Variants in NAA11 observed in about 807,000 individuals in gnomAD.
The protein encoded by NAA11 is N-alpha-acetyltransferase 11, NatA catalytic subunit, also known as N-alpha-acetyltransferase 11.
In NAA11, 15 loss-of-function variants were observed where a neutral mutation model predicts 16.1. The observed-to-expected ratio is 0.93, with a 90% confidence interval of 0.62 to 1.44. The LOEUF (loss-of-function observed/expected upper bound fraction) is 1.44. Among genes scored for constraint, NAA11 ranks in the 40% most tolerant of loss-of-function variants. The pLI, the probability that NAA11 is intolerant of heterozygous loss-of-function variation, is 0.00. For missense variants in NAA11, 298 were observed against 291.3 expected (o/e 1.02, Z -0.17); for synonymous variants, 122 against 112.4 (o/e 1.09, Z -0.54).
At chr4:79,182,868 T>C in the NAA11 span, among the ~76,000 whole-genome samples, 5 of 152,188 alleles carry the variant, frequency 3.3e-5, no homozygotes, top group African/African-American at 4.8e-5. Flanking sequence ...TTTTGGATTA[T>C]TTCATCTAAT....
chr4:79,218,891 A>C, the NAA11 span, among the ~76,000 whole-genome samples: 13 of 152,100 alleles, frequency 8.5e-5, no homozygotes, highest in Non-Finnish European at 1.5e-4. Flanking sequence ...TTAATTCTGT[A>C]CTACCATGCA....
At chr4:79,291,490 C>T (rs1723083980) in intron 2 of NAA11, among the ~76,000 whole-genome samples, 3 of 151,870 alleles carry the variant, frequency 2.0e-5, no homozygotes. Context: ...AGAATTGGGC[C>T]GGGCCTGGTG....
intron 2 of NAA11, among the ~76,000 whole-genome samples, chr4:79,238,106 G>A (rs992078055): frequency 6.6e-6 from 1 of 152,130 alleles, no homozygotes; most frequent in Non-Finnish European, 1.5e-5. Flanking sequence ...TTGGCATCTG[G>A]GTTTTCCATT....
the NAA11 span, among the ~76,000 whole-genome samples, chr4:79,158,698 G>GATATATATATATATATATATATATATAT: frequency 4.0e-3 from 445 of 111,754 alleles, 13 homozygotes; most frequent in Non-Finnish European, 6.5e-3. Context: ...CACATTACCT[G>GATATATATATATATATATATATATATAT]ATATATATAT....
intron 2 of NAA11, among the ~76,000 whole-genome samples, chr4:79,248,925 C>G (rs1721918512): frequency 6.6e-6 from 1 of 152,204 alleles, no homozygotes; most frequent in African/African-American, 2.4e-5. Context: ...ACTACCACTG[C>G]CTAAAAAGCA....
chr4:79,215,192 T>G, the NAA11 span, among the ~76,000 whole-genome samples: 1 of 152,234 alleles, frequency 6.6e-6, no homozygotes, highest in African/African-American at 2.4e-5. Flanking sequence ...ACATATTTAC[T>G]TAGTCAATAG....
At chr4:79,197,580 C>T in the NAA11 span, 1 of 152,038 alleles carries the variant, frequency 6.6e-6, no homozygotes, top group African/African-American at 2.4e-5. Flanking sequence ...TCCTTGTCAT[C>T]TGCTCCCTAG....
chr4:79,213,526 CT>C, the NAA11 span, among the ~76,000 whole-genome samples: 1 of 150,816 alleles, frequency 6.6e-6, no homozygotes, highest in Non-Finnish European at 1.5e-5. Flanking sequence ...GAATAGGAAG[CT>C]TTTGTTTTAC....
the NAA11 span, among the ~76,000 whole-genome samples, chr4:79,212,494 C>T: frequency 5.3e-5 from 8 of 151,876 alleles, no homozygotes; most frequent in African/African-American, 1.9e-4. Flanking sequence ...TTTGCAAAAC[C>T]TTGCAAAGGT....
the NAA11 span, among the ~76,000 whole-genome samples, chr4:79,207,305 T>A: frequency 4.0e-5 from 6 of 149,912 alleles, no homozygotes; most frequent in Non-Finnish European, 8.9e-5. Context: ...GAAGGTCTAA[T>A]CTTTACTATA....
intron 1 of NAA11, among the ~76,000 whole-genome samples, chr4:79,295,838 T>G (rs1486396863): frequency 6.6e-6 from 1 of 152,226 alleles, no homozygotes; most frequent in Non-Finnish European, 1.5e-5. Context: ...ATTGAGTTAT[T>G]ATAACCATGA....
At chr4:79,271,775 C>A (rs1390058667) in intron 2 of NAA11, among the ~76,000 whole-genome samples, 1 of 151,832 alleles carries the variant, frequency 6.6e-6, no homozygotes. Context: ...ATTCATTTGG[C>A]TAATGAAGTG....
chr4:79,212,483 CTTTGCAAAACCTTGCAAAGGTT>C, the NAA11 span, among the ~76,000 whole-genome samples: 1 of 151,718 alleles, frequency 6.6e-6, no homozygotes, highest in East Asian at 1.9e-4. Flanking sequence ...TGTACATGGC[CTTTGCAAAACCTTGCAAAGGTT>C]TTGCTTGTTT....
At position 79,246,934 on chromosome 4, in the gene NAA11, C is replaced by T. The variant is rs568043542; in HGVS notation, c.*123-20664G>A. Among the ~76,000 whole-genome samples, 9 of 152,274 alleles carry T rather than the reference C, an allele frequency of 5.9e-5. No individual in the cohort carries two copies. The South Asian group carries it at 1.4e-3, about 25-fold the overall frequency. On this transcript the variant is annotated intron_variant and NMD_transcript_variant, in intron 2 of 2. Coordinates refer to the NAA11 transcript ENST00000511542. ...AGGGAGCTAGTGGCTCTTTGGGCCC[C>T]AGTTTTGGTTTCTTGAGGCAAATGG... is the stretch of plus-strand genomic sequence containing the variant.
At chr4:79,190,582 A>T in the NAA11 span, among the ~76,000 whole-genome samples, 1 of 152,112 alleles carries the variant, frequency 6.6e-6, no homozygotes, top group African/African-American at 2.4e-5. Flanking sequence ...ATCCTGTGCC[A>T]GTTGCTGTGC....
At chr4:79,161,172 T>A in the NAA11 span, among the ~76,000 whole-genome samples, 2 of 152,222 alleles carry the variant, frequency 1.3e-5, no homozygotes, top group East Asian at 3.9e-4. Context: ...CAGCATTATT[T>A]CTTGAAAAGA....
chr4:79,255,096 T>C (rs1202421073), intron 2 of NAA11, among the ~76,000 whole-genome samples: 1 of 152,154 alleles, frequency 6.6e-6, no homozygotes, highest in Admixed American at 6.5e-5. Context: ...GTTTCATTTA[T>C]AGAAATTTCA....
At chr4:79,320,682 T>A (rs537291724) in intron 1 of NAA11, among the ~76,000 whole-genome samples, 2 of 152,230 alleles carry the variant, frequency 1.3e-5, no homozygotes, top group African/African-American at 4.8e-5. Flanking sequence ...TTATTACCAT[T>A]TTTTAGATGA....
At chr4:79,313,187 A>C (rs187542945), downstream of NAA11, among the ~76,000 whole-genome samples, 8 of 152,360 alleles carry the variant, frequency 5.3e-5, no homozygotes, top group Admixed American at 4.6e-4. Context: ...ACACCAGTTT[A>C]AATTGAGGGG....
Sources: allele counts gnomAD v4.1 joint callset (sites outside exome capture counted in the v4.1 genomes callset), GRCh38; gene constraint gnomAD v4.1.1; transcripts MANE v1.5; gene names NCBI Gene and HGNC (gene_info 2026-07-23, HGNC 2026-07-21).